Variants in KAZN observed in about 807,000 individuals in gnomAD.
KAZN encodes kazrin.
KAZN carries 40 observed loss-of-function variants against 87.4 expected under a neutral mutation model. That is an observed-to-expected ratio of 0.46 (90% CI 0.36 to 0.60). The LOEUF (loss-of-function observed/expected upper bound fraction) is 0.60. KAZN is among the 20% of genes least tolerant of loss of function. KAZN has a pLI of 0.00. For synonymous variants in KAZN, 466 were observed against 458.3 expected (o/e 1.02, Z -0.22); for missense variants, 898 against 1,073.9 (o/e 0.84, Z 2.29).
intron 2 of KAZN, among the ~76,000 whole-genome samples, chr1:14,980,904 C>T (rs1666181106): frequency 6.6e-6 from 1 of 152,086 alleles, no homozygotes; most frequent in African/African-American, 2.4e-5. Flanking sequence ...AGGCTGGTGG[C>T]TCCTAGACTG....
intron 1 of KAZN, among the ~76,000 whole-genome samples, chr1:14,866,084 A>G (rs1172881152): frequency 6.6e-6 from 1 of 152,086 alleles, no homozygotes; most frequent in Admixed American, 6.5e-5. Context: ...GCCCTGGGAA[A>G]GTTTTTTTCA....
intron 1 of KAZN, among the ~76,000 whole-genome samples, chr1:13,960,053 G>A (rs1007664130): frequency 8.0e-6 from 1 of 125,532 alleles, no homozygotes; most frequent in Non-Finnish European, 1.6e-5. Context: ...CCCCACCCCC[G>A]CCTTCACAAA....
intron 1 of KAZN, among the ~76,000 whole-genome samples, chr1:14,878,892 T>C (rs970157674): frequency 5.9e-5 from 9 of 152,188 alleles, no homozygotes; most frequent in African/African-American, 2.2e-4. Context: ...TTGATATCGA[T>C]CTAGTTCCTG....
At chr1:14,109,034 G>A (rs1170536441) in intron 1 of KAZN, among the ~76,000 whole-genome samples, 7 of 152,178 alleles carry the variant, frequency 4.6e-5, no homozygotes, top group Non-Finnish European at 1.0e-4. Context: ...GGCCGAGCTC[G>A]CATCTGTGAA....
At chr1:14,554,462 A>C (rs977586889) in intron 2 of KAZN, among the ~76,000 whole-genome samples, 1 of 151,988 alleles carries the variant, frequency 6.6e-6, no homozygotes, top group African/African-American at 2.4e-5. Flanking sequence ...ATGTGGCAAA[A>C]TTTCACTTCT....
intron 1 of KAZN, among the ~76,000 whole-genome samples, chr1:13,974,344 G>A (rs1014450102): frequency 2.0e-5 from 3 of 152,240 alleles, no homozygotes; most frequent in African/African-American, 7.2e-5. Flanking sequence ...TAAGATGTAA[G>A]TTGGCAGATA....
At chr1:14,968,141 T>C (rs1223929433) in intron 2 of KAZN, among the ~76,000 whole-genome samples, 2 of 152,010 alleles carry the variant, frequency 1.3e-5, no homozygotes, top group Non-Finnish European at 2.9e-5. Context: ...AGACCTGAGC[T>C]TGTTTTCCTG....
In KAZN at chr1:14,063,669, G is replaced by A. The variant is rs112454785; in HGVS notation, c.92-116766G>A. ...AGGTTTCAGGTAGGTCAGTGATATG[G>A]TTTGACTATGTGTCCACTCAAATCT... On this transcript the variant is annotated intron_variant, in intron 1 of 16. Coordinates refer to the KAZN transcript ENST00000636203. Among the ~76,000 whole-genome samples the A allele has an allele frequency of 7.5e-3, 1,148 of 152,266 alleles. 13 individuals carry two copies. The highest frequency in any genetic ancestry group is 0.026 in the African/African-American group (1,098 of 41,538).
intron 2 of KAZN, among the ~76,000 whole-genome samples, chr1:14,375,212 A>G (rs562529450): frequency 3.9e-5 from 6 of 152,332 alleles, no homozygotes; most frequent in African/African-American, 1.4e-4. Flanking sequence ...ATTAGTCACA[A>G]TAGCATCATA....
chr1:14,686,082 T>G (rs1021442602), intron 1 of KAZN, among the ~76,000 whole-genome samples: 3 of 152,096 alleles, frequency 2.0e-5, no homozygotes, highest in African/African-American at 7.2e-5. Context: ...TTTGTTTTGT[T>G]TTTTTGAGAC....
In KAZN at chr1:14,842,268, G is replaced by A. The variant is rs536732844; in HGVS notation, c.227-118416G>A. ...GGTGGTCATTCATTTTTTGTTGAATGCATGAATGAATGGCCTGGTCTGTTT... is the reference window on the plus strand; with the variant it reads ...GGTGGTCATTCATTTTTTGTTGAATACATGAATGAATGGCCTGGTCTGTTT... On this transcript the variant is annotated intron_variant, in intron 1 of 14. Coordinates refer to ENST00000376030, the MANE Select transcript of KAZN (RefSeq NM_201628.3). 7.2e-5 allele frequency among the ~76,000 whole-genome samples: 11 copies of A among 152,314 alleles called. No individual in the cohort carries two copies. In the Middle Eastern group the frequency reaches 0.01, roughly 141 times the overall value.
intron 2 of KAZN, among the ~76,000 whole-genome samples, chr1:14,385,487 T>C (rs1661794303): frequency 6.6e-6 from 1 of 152,218 alleles, no homozygotes; most frequent in Non-Finnish European, 1.5e-5. Flanking sequence ...GCTTTGAATG[T>C]GTCCCAGAGA....
At chr1:14,728,293 A>AAAAAT (rs1643513657) in intron 1 of KAZN, among the ~76,000 whole-genome samples, 1 of 104,676 alleles carries the variant, frequency 9.6e-6, no homozygotes, top group Non-Finnish European at 2.1e-5. Flanking sequence ...TATATATAAA[A>AAAAAT]AAAAAAAAAA....
intron 1 of KAZN, among the ~76,000 whole-genome samples, chr1:14,788,385 G>A (rs1382627944): frequency 6.6e-6 from 1 of 152,172 alleles, no homozygotes; most frequent in Non-Finnish European, 1.5e-5. Flanking sequence ...TAAATCTTTA[G>A]CTCAAATGAA....
At chr1:15,057,976 C>T (rs1436387525) in intron 5 of KAZN, among the ~76,000 whole-genome samples, 1 of 152,228 alleles carries the variant, frequency 6.6e-6, no homozygotes, top group Non-Finnish European at 1.5e-5. Context: ...CCTTCCTCCT[C>T]CACAGTATCT....
intron 1 of KAZN, among the ~76,000 whole-genome samples, chr1:13,903,195 C>A (rs1157268138): frequency 6.6e-6 from 1 of 152,156 alleles, no homozygotes; most frequent in African/African-American, 2.4e-5. Flanking sequence ...TCTCTCTGGG[C>A]GATGATGTTC....
At chr1:14,655,963 C>A (rs890661451) in intron 1 of KAZN, among the ~76,000 whole-genome samples, 1 of 152,134 alleles carries the variant, frequency 6.6e-6, no homozygotes, top group African/African-American at 2.4e-5. Context: ...TTGCTGAAGG[C>A]GTGCAGCTTA....
intron 1 of KAZN, among the ~76,000 whole-genome samples, chr1:14,672,091 G>A (rs1420643515): frequency 2.0e-5 from 3 of 151,920 alleles, no homozygotes; most frequent in East Asian, 1.9e-4. Flanking sequence ...TTTGGGAGAT[G>A]TGTCATCCCT....
At chr1:14,296,250 G>T (rs1398251619) in intron 2 of KAZN, among the ~76,000 whole-genome samples, 1 of 152,208 alleles carries the variant, frequency 6.6e-6, no homozygotes, top group African/African-American at 2.4e-5. Context: ...TCAGGCAAAT[G>T]CTGCAGTGGT....
Sources: allele counts gnomAD v4.1 joint callset (sites outside exome capture counted in the v4.1 genomes callset), GRCh38; gene constraint gnomAD v4.1.1; transcripts MANE v1.5; gene names NCBI Gene and HGNC (gene_info 2026-07-23, HGNC 2026-07-21).